PDIA4: variants seen among roughly 807,000 people sequenced by gnomAD.
The protein encoded by PDIA4 is protein disulfide isomerase family A member 4.
Under a neutral mutation model 62.1 loss-of-function variants are expected in PDIA4, and 33 were observed. The ratio of observed to expected loss-of-function variants is 0.53; its 90% CI spans 0.40 to 0.71. PDIA4 has a LOEUF of 0.71. Among genes scored for constraint, PDIA4 ranks in the 30% least tolerant of loss-of-function variants. PDIA4 has a pLI of 0.00. For synonymous variants in PDIA4, 341 were observed against 324.1 expected, an observed-to-expected ratio of 1.05 and a Z score of -0.56; for missense variants, 804 against 813.6, an observed-to-expected ratio of 0.99 and a Z score of 0.14.
At chr7:149,008,114 G>A in intron 7 of PDIA4, 45 bp downstream of exon 7, 2 of 1,586,868 alleles carry the variant, frequency 1.3e-6, no homozygotes, top group Non-Finnish European at 1.7e-6. Context: ...GAGTCCTCAT[G>A]CCTGCGGGGT....
chr7:149,020,392 T>G (rs1303531089), intron 2 of PDIA4, among the ~76,000 whole-genome samples: 1 of 152,094 alleles, frequency 6.6e-6, no homozygotes, highest in Non-Finnish European at 1.5e-5. Context: ...GCAGGGGTCA[T>G]GAGATTCAAA....
At chr7:149,028,032 C>T (rs1378739978) in intron 1 of PDIA4, 6 of 620,138 alleles carry the variant, frequency 9.7e-6, no homozygotes, top group African/African-American at 9.2e-5. Context: ...AAAAAAGGCG[C>T]TCTGCAGCCC....
At chr7:149,019,394 A>G (rs1198427914) in intron 2 of PDIA4, among the ~76,000 whole-genome samples, 197 bp from the exon 3 acceptor site, 28 of 152,166 alleles carry the variant, frequency 1.8e-4, no homozygotes. Context: ...CCTCATGAAT[A>G]GGCAAATGCA....
At position 149,004,007 on chromosome 7, in the gene PDIA4, T is replaced by C. The variant is rs748351816; in HGVS notation, c.1725A>G (p.Gln575=). 13 of 1,614,072 alleles carry C rather than the reference T, an allele frequency of 8.1e-6. No homozygotes were observed. The highest frequency in any genetic ancestry group is 4.0e-5 in the African/African-American group (3 of 74,946). Residue 575 remains glutamine, a synonymous_variant, in exon 10 of 10, where the codon CAA becomes CAG. Transcript: ENST00000652332. ...CCATCTTGGCGATGACCAGGCCCTT[T>C]TGGCCCTTGTACTTCTTGGCCAGGC... ...YNSLAKKYKG[Q]KGLVIAKMDA... is the part of the protein sequence containing the mutation.
In PDIA4 at chr7:149,021,808, G is replaced by A. The variant is rs1217538841; in HGVS notation, c.89-661C>T. Reference sequence around the variant, plus strand: ...CCTGCCCTGAGCCCAGACAGCCTCCGCATTGGCCACCTCCTCCCTACTTCC... The same window carrying A: ...CCTGCCCTGAGCCCAGACAGCCTCCACATTGGCCACCTCCTCCCTACTTCC... On this transcript the variant is annotated intron_variant, in intron 1 of 9. Transcript: ENST00000652332. Among the ~76,000 whole-genome samples the A allele has an allele frequency of 1.3e-5, 2 of 152,110 alleles. 1 individual carries two copies. The highest frequency in any genetic ancestry group is 1.3e-4 in the Admixed American group (2 of 15,270).
chr7:149,005,268 C>T lies in PDIA4; in HGVS notation c.1395G>A (p.Leu465=). 3 of 1,614,172 alleles carry T rather than the reference C, an allele frequency of 1.9e-6. No homozygotes were observed. Among genetic ancestry groups the T allele is most frequent in the Non-Finnish European group, 2.5e-6 (3 of 1,179,976 alleles). The change falls in exon 9 of 10, where the codon CTG becomes CTA. Residue 465 remains leucine (L), a synonymous_variant. Coordinates refer to ENST00000652332, the MANE Select transcript of PDIA4 (RefSeq NM_004911.5). ...CATCCTCCCCACTCTCGCTGAGCCCCAGGTCCTTCACCTCCCCAGCATAGT... is the reference window on the plus strand; with the variant it reads ...CATCCTCCCCACTCTCGCTGAGCCCTAGGTCCTTCACCTCCCCAGCATAGT... ...EEDYAGEVKD[L]GLSESGEDVN...
rs1158704789 is a variant in PDIA4, at chr7:149,004,777, T to C, written c.1522+364A>G. Reference sequence around the variant, plus strand: ...CCCTCTGCACACCCCGGCCCTAGTCTGGAATTTTAGCACATCAGCGCTGGA... The same window carrying C: ...CCCTCTGCACACCCCGGCCCTAGTCCGGAATTTTAGCACATCAGCGCTGGA... On this transcript the variant is annotated intron_variant, in intron 9 of 9. Transcript: ENST00000652332. Among the ~76,000 whole-genome samples, 4 of 152,204 alleles carry C rather than the reference T, an allele frequency of 2.6e-5. 1 individual carries two copies. Among genetic ancestry groups the C allele is most frequent in the African/African-American group, 9.7e-5 (4 of 41,444 alleles).
At chr7:149,026,525 C>A (rs1445540857) in intron 1 of PDIA4, among the ~76,000 whole-genome samples, 1 of 152,050 alleles carries the variant, frequency 6.6e-6, no homozygotes, top group Non-Finnish European at 1.5e-5. Flanking sequence ...GTGGCACGTG[C>A]CTGTGGTCCC....
chr7:149,004,656 GC>G (rs1395280025), intron 9 of PDIA4, among the ~76,000 whole-genome samples: 1 of 152,228 alleles, frequency 6.6e-6, no homozygotes, highest in Non-Finnish European at 1.5e-5. Context: ...CAGCAAGGTG[GC>G]CGAGGGTGAA....
Position 149,019,047 on chromosome 7 carries a change from G to A in PDIA4, c.420C>T (p.Ile140=). ...CAGCCTGCCCCTTCTTAAGGATCTT[G>A]ATGGTGGGGTAGCCACTCACATCAA... ...SRFDVSGYPT[I]KILKKGQAVD... is the part of the protein sequence containing the mutation. The change falls in exon 3 of 10, where the codon ATC becomes ATT. Residue 140 remains isoleucine (I), a synonymous_variant. Transcript: ENST00000652332. 6.2e-7 allele frequency: 1 copy of A among 1,613,752 alleles called. No individual in the cohort carries two copies. The highest frequency in any genetic ancestry group is 8.5e-7 in the Non-Finnish European group (1 of 1,179,960).
At chr7:149,027,853 T>G (rs6952916) in intron 1 of PDIA4, 4 of 472,922 alleles carry the variant, frequency 8.5e-6, no homozygotes, top group Non-Finnish European at 1.8e-5. Context: ...ACAGACCACA[T>G]TTTGAAAAGG....
intron 2 of PDIA4, among the ~76,000 whole-genome samples, chr7:149,020,602 C>A (rs1298824893): frequency 6.6e-6 from 1 of 152,192 alleles, no homozygotes; most frequent in East Asian, 1.9e-4. Flanking sequence ...AAGAGGAAGG[C>A]AGGGTGGCCT....
chr7:149,005,095 G>A, intron 9 of PDIA4, 46 bp downstream of exon 9: 2 of 1,467,718 alleles, frequency 1.4e-6, no homozygotes, highest in Non-Finnish European at 1.9e-6. Flanking sequence ...TCCGCACGAG[G>A]AGCACAGCAG....
At chr7:149,006,214 AT>A in intron 7 of PDIA4, 161 bp from the exon 8 acceptor site, 1 of 620,508 alleles carries the variant, frequency 1.6e-6, no homozygotes, top group Non-Finnish European at 2.6e-6. Flanking sequence ...CAGCCCAGTC[AT>A]TCCCTACCGT....
intron 6 of PDIA4, 141 bp downstream of exon 6, chr7:149,011,705 C>A: frequency 1.5e-6 from 1 of 658,332 alleles, no homozygotes; most frequent in Non-Finnish European, 2.4e-6. Flanking sequence ...CAACTCCAAC[C>A]CCAGAATGGA....
chr7:149,027,785 A>C, intron 1 of PDIA4: 1 of 457,404 alleles, frequency 2.2e-6, no homozygotes, highest in Non-Finnish European at 4.6e-6. Flanking sequence ...AGTTTCTCAA[A>C]GGTGCAAACC....
At chr7:149,009,351 G>A (rs1823867134) in intron 6 of PDIA4, among the ~76,000 whole-genome samples, 1 of 152,310 alleles carries the variant, frequency 6.6e-6, no homozygotes, top group Middle Eastern at 3.4e-3. Context: ...CAGCTAATTT[G>A]CCAGAAGCTG....
chr7:149,013,848 C>T (rs1455527355), intron 4 of PDIA4, among the ~76,000 whole-genome samples: 3 of 152,272 alleles, frequency 2.0e-5, no homozygotes, highest in Admixed American at 6.5e-5. Context: ...GTGCAGCAGT[C>T]GGCTCAACCT....
intron 4 of PDIA4, among the ~76,000 whole-genome samples, 154 bp from the exon 5 acceptor site, chr7:149,012,514 C>T (rs1171755914): frequency 1.3e-5 from 2 of 152,166 alleles, no homozygotes; most frequent in African/African-American, 4.8e-5. Context: ...CCCTCAGGTG[C>T]TGTTGAGGGC....
Sources: allele counts gnomAD v4.1 joint callset (sites outside exome capture counted in the v4.1 genomes callset), GRCh38; gene constraint gnomAD v4.1.1; transcripts MANE v1.5; gene names NCBI Gene and HGNC (gene_info 2026-07-23, HGNC 2026-07-21).